Variants in SLC44A5 observed in about 807,000 individuals in gnomAD.
The protein encoded by SLC44A5 is solute carrier family 44 member 5.
In SLC44A5, 57 loss-of-function variants were observed where a neutral mutation model predicts 101.8. The observed-to-expected ratio is 0.56, with a 90% CI of 0.45 to 0.70. SLC44A5 has a LOEUF of 0.70. Among genes scored for constraint, SLC44A5 ranks in the 30% least tolerant of loss-of-function variants. The probability of loss-of-function intolerance (pLI) is 0.00; values close to 1 mark genes in which losing one functional copy is unlikely to be tolerated. For synonymous variants in SLC44A5, 281 were observed against 290.9 expected, an observed-to-expected ratio of 0.97 and a Z score of 0.35; for missense variants, 737 against 853.1, an observed-to-expected ratio of 0.86 and a Z score of 1.70.
intron 2 of SLC44A5, among the ~76,000 whole-genome samples, chr1:75,533,359 C>T (rs1021032779): frequency 6.6e-6 from 1 of 152,070 alleles, no homozygotes; most frequent in Non-Finnish European, 1.5e-5. Context: ...AATAGAAAAC[C>T]TTATCATTAA....
chr1:75,410,398 T>TA lies in SLC44A5; in HGVS notation c.14-13778dup, dbSNP rs913362445. ...TACTATCGCATCTTTTCATTTGTGA[T>TA]AAAAAAAAAATAGAAGCCAATCTCT... On this transcript the variant is annotated intron_variant, in intron 2 of 23. Transcript: ENST00000370859. Among the ~76,000 whole-genome samples the TA allele has an allele frequency of 8.5e-4, 126 of 148,708 alleles. No individual in the cohort carries two copies. In the Middle Eastern group the frequency reaches 0.021, roughly 24 times the overall value.
intron 1 of SLC44A5, among the ~76,000 whole-genome samples, chr1:75,590,048 A>T (rs12239439): frequency 0.11 from 16,548 of 151,992 alleles, 1,604 homozygotes; most frequent in African/African-American, 0.27. Context: ...GCCCAGAGAC[A>T]GTGGATTAGG....
the SLC44A5 span, among the ~76,000 whole-genome samples, chr1:75,722,023 A>C: frequency 6.6e-6 from 1 of 152,216 alleles, no homozygotes; most frequent in Non-Finnish European, 1.5e-5. Context: ...GGAAATGGTT[A>C]TATAGGAAAA....
At chr1:75,233,071 A>G (rs1424045453) in intron 12 of SLC44A5, among the ~76,000 whole-genome samples, 3 of 152,132 alleles carry the variant, frequency 2.0e-5, no homozygotes, top group Non-Finnish European at 4.4e-5. Flanking sequence ...TTTTTAGAAG[A>G]CTGAAAGGAA....
chr1:75,587,601 A>C (rs1674085560), intron 1 of SLC44A5, among the ~76,000 whole-genome samples: 1 of 152,184 alleles, frequency 6.6e-6, no homozygotes, highest in Non-Finnish European at 1.5e-5. Context: ...TTTGGTAATA[A>C]ATTTTTTTGA....
At chr1:75,706,187 A>G in the SLC44A5 span, among the ~76,000 whole-genome samples, 1 of 152,102 alleles carries the variant, frequency 6.6e-6, no homozygotes, top group Non-Finnish European at 1.5e-5. Context: ...CACTAATTCT[A>G]ATATGTGGTT....
At chr1:75,657,066 T>C in the SLC44A5 span, among the ~76,000 whole-genome samples, 1 of 152,268 alleles carries the variant, frequency 6.6e-6, no homozygotes, top group African/African-American at 2.4e-5. Flanking sequence ...GAAGGATCAC[T>C]TGTGTCCAGG....
intron 2 of SLC44A5, among the ~76,000 whole-genome samples, chr1:75,503,823 A>T (rs1453483796): frequency 6.6e-6 from 1 of 152,196 alleles, no homozygotes; most frequent in East Asian, 1.9e-4. Context: ...TCCAACATGG[A>T]ATATGCTCTG....
rs574070453 is a variant in SLC44A5, at chr1:75,238,649, A to G, written c.533-13T>C. On this transcript the variant is annotated splice_polypyrimidine_tract_variant and intron_variant, in intron 9 of 23. Transcript: ENST00000370859. ...CATCTCTGGAGAACTGTAAAAATAA[A>G]TTAAAATTATTGTAATCACTTTTCT... The G allele has an allele frequency of 3.5e-5, 53 of 1,512,878 alleles. 1 individual carries two copies. In the South Asian group the frequency reaches 5.6e-4, roughly 16 times the overall value. 93.7% of individuals were successfully genotyped at this position (1,512,878 alleles called of 1,614,324 possible).
At chr1:75,282,781 T>A (rs1191632270) in intron 5 of SLC44A5, among the ~76,000 whole-genome samples, 1 of 152,170 alleles carries the variant, frequency 6.6e-6, no homozygotes, top group East Asian at 1.9e-4. Context: ...TGAAGAAGGA[T>A]GTGTTTGCTT....
At chr1:75,279,797 G>T (rs1570554222) in intron 5 of SLC44A5, among the ~76,000 whole-genome samples, 1 of 151,732 alleles carries the variant, frequency 6.6e-6, no homozygotes, top group Non-Finnish European at 1.5e-5. Flanking sequence ...GAGAAGAGGT[G>T]GTGTTTCATT....
intron 2 of SLC44A5, among the ~76,000 whole-genome samples, chr1:75,530,784 A>T (rs1261411011): frequency 3.9e-5 from 6 of 152,150 alleles, no homozygotes; most frequent in Non-Finnish European, 8.8e-5. Flanking sequence ...CTAATTCTTG[A>T]ATATTTTTTC....
chr1:75,531,277 T>A (rs1384263693), intron 2 of SLC44A5, among the ~76,000 whole-genome samples: 2 of 152,238 alleles, frequency 1.3e-5, no homozygotes, highest in African/African-American at 4.8e-5. Flanking sequence ...TTTTTAAAAA[T>A]TATTTTTAAT....
intron 2 of SLC44A5, among the ~76,000 whole-genome samples, chr1:75,479,477 G>A (rs199776743): frequency 1.3e-5 from 2 of 151,922 alleles, no homozygotes; most frequent in Non-Finnish European, 2.9e-5. Context: ...TTTTTTGAAA[G>A]GATCAACAAA....
intron 3 of SLC44A5, among the ~76,000 whole-genome samples, chr1:75,385,581 A>G (rs1661263891): frequency 6.6e-6 from 1 of 152,182 alleles, no homozygotes; most frequent in South Asian, 2.1e-4. Context: ...TTACCGACCA[A>G]AAAGAATCCA....
At chr1:75,410,505 C>T (rs777565832) in intron 2 of SLC44A5, among the ~76,000 whole-genome samples, 1 of 152,024 alleles carries the variant, frequency 6.6e-6, no homozygotes, top group Non-Finnish European at 1.5e-5. Flanking sequence ...TTAAATAAAC[C>T]CATGTTTCTA....
intron 4 of SLC44A5, among the ~76,000 whole-genome samples, chr1:75,323,046 T>G (rs926963982): frequency 6.6e-6 from 1 of 150,626 alleles, no homozygotes; most frequent in Non-Finnish European, 1.5e-5. Flanking sequence ...ACCCACTAAC[T>G]CGTCATCTAG....
chr1:75,677,818 G>A, the SLC44A5 span: 1 of 405,216 alleles, frequency 2.5e-6, no homozygotes, highest in Non-Finnish European at 4.8e-6. Flanking sequence ...CGACGCAGAA[G>A]ATGGGTGATT....
intron 5 of SLC44A5, among the ~76,000 whole-genome samples, chr1:75,297,900 C>T (rs1411874792): frequency 6.6e-6 from 1 of 152,010 alleles, no homozygotes; most frequent in South Asian, 2.1e-4. Context: ...TGGCCATATT[C>T]CACATAAAGG....
Sources: gnomAD v4.1 joint callset for allele counts (sites outside exome capture counted in the v4.1 genomes callset) on GRCh38, gnomAD v4.1.1 for gene constraint, MANE v1.5 for transcripts, NCBI Gene and HGNC (gene_info 2026-07-23, HGNC 2026-07-21) for gene names.